CHRNA1: variants seen among roughly 807,000 people sequenced by gnomAD.
CHRNA1 encodes acetylcholine receptor subunit alpha.
CHRNA1 carries 35 observed loss-of-function variants against 47.1 expected under a neutral mutation model. That is an observed-to-expected ratio of 0.74 (90% CI 0.57 to 0.99). The LOEUF (loss-of-function observed/expected upper bound fraction) is 0.99, where lower values mean the gene tolerates loss of function less well. Among genes scored for constraint, CHRNA1 ranks in the 50% least tolerant of loss-of-function variants. CHRNA1 has a pLI of 0.00. For synonymous variants in CHRNA1, 229 were observed against 223.6 expected (o/e 1.02, Z -0.22); for missense variants, 506 against 591.1 (o/e 0.86, Z 1.49).
chr2:174,753,155 T>C (rs1325984602), intron 6 of CHRNA1: 4 of 548,462 alleles, frequency 7.3e-6, no homozygotes, highest in African/African-American at 1.9e-5. Flanking sequence ...GGAAGTGGCA[T>C]GAGAAGTGTC....
chr2:174,759,617 G>A lies in CHRNA1; in HGVS notation c.60C>T (p.Gly20=), dbSNP rs1684057654. 1 of 1,613,628 alleles carries A rather than the reference G, an allele frequency of 6.2e-7. No individual in the cohort carries two copies. Among genetic ancestry groups the A allele is most frequent in the Non-Finnish European group, 8.5e-7 (1 of 1,179,948 alleles). ...CCACCAGACGGGTCTCATGTTCGGA[G>A]CCCAGGACGAGGCCAGCTGAGACAG... ...FSLCSAGLVL[G]SEHETRLVAK... is the part of the protein sequence containing the mutation. Residue 20 remains glycine (G), a synonymous_variant, in exon 2 of 9, where the codon GGC becomes GGT. Transcript: ENST00000348749.
At chr2:174,748,321 C>T (rs1683775708) in intron 8 of CHRNA1, 66 bp from the exon 9 acceptor site, 3 of 1,606,216 alleles carry the variant, frequency 1.9e-6, no homozygotes, top group South Asian at 1.1e-5. Flanking sequence ...AACGTTTGTG[C>T]TTTGCATCAA....
At chr2:174,763,322 ACGCG>A (rs373452341) in intron 1 of CHRNA1, among the ~76,000 whole-genome samples, 2,824 of 47,300 alleles carry the variant, frequency 0.06, 42 homozygotes, top group East Asian at 0.14. Flanking sequence ...ATGTGTGTGC[ACGCG>A]CGCGCACACA....
chr2:174,764,301 A>G, intron 1 of CHRNA1, 51 bp downstream of exon 1: 1 of 1,589,384 alleles, frequency 6.3e-7, no homozygotes, highest in Non-Finnish European at 8.6e-7. Context: ...GGCCTCCAGC[A>G]CTTTAGCCTC....
chr2:174,759,556 GC>G lies in CHRNA1; in HGVS notation c.120del (p.Pro41GlnfsTer17), dbSNP rs1481186810. The G allele has an allele frequency of 6.2e-7, 1 of 1,613,918 alleles. No homozygotes were observed. Among genetic ancestry groups the G allele is most frequent in the South Asian group, 1.1e-5 (1 of 91,064 alleles). ...KLFKDYSSVV[R>X]PVEDHRQVVE... The stretch of plus-strand genomic sequence containing the variant: ...ACGACCTGGCGGTGGTCTTCCACTG[GC>G]CGCACCACGCTGCTGTAGTCTTTAA... On this transcript the variant is annotated frameshift_variant, in exon 2 of 9. Coordinates refer to ENST00000348749, the MANE Select transcript of CHRNA1 (RefSeq NM_000079.4). LOFTEE classifies it high-confidence loss of function.
At position 174,757,550 on chromosome 2, in the gene CHRNA1, C is replaced by G. The variant is rs745528053; in HGVS notation, c.344+16G>C. ...TGCCCCAGGAGCACCCTCCGCCACC[C>G]ATGCAGTTTGCTCACTTGTTATAGA... On this transcript the variant is annotated intron_variant, in intron 4 of 8. Coordinates refer to ENST00000348749, the MANE Select transcript of CHRNA1 (RefSeq NM_000079.4). The G allele has an allele frequency of 6.3e-7, 1 of 1,596,932 alleles. No individual in the cohort carries two copies. Among genetic ancestry groups the G allele is most frequent in the Admixed American group, 1.7e-5 (1 of 60,002 alleles).
chr2:174,759,661 T>G, intron 1 of CHRNA1, 28 bp from the exon 2 acceptor site: 1 of 1,610,388 alleles, frequency 6.2e-7, no homozygotes, highest in Non-Finnish European at 8.5e-7. Flanking sequence ...ACCAACACTG[T>G]CAGATTCTTC....
chr2:174,754,360 A>T lies in CHRNA1; in HGVS notation c.399T>A (p.Thr133=), dbSNP rs1443518305. The T allele has an allele frequency of 6.2e-7, 1 of 1,614,198 alleles. No individual in the cohort carries two copies. Among genetic ancestry groups the T allele is most frequent in the Non-Finnish European group, 8.5e-7 (1 of 1,180,032 alleles). ...CTGGAGGTGTCCACGTGATGTGGCCAGTGTACTGCAGGAGCACTTTGGTGA... is the reference window on the plus strand; with the variant it reads ...CTGGAGGTGTCCACGTGATGTGGCCTGTGTACTGCAGGAGCACTTTGGTGA... ...VKFTKVLLQY[T]GHITWTPPAI... is the part of the protein sequence containing the mutation. Residue 133 remains threonine, a synonymous_variant, in exon 5 of 9, where the codon ACT becomes ACA. Coordinates refer to ENST00000348749, the MANE Select transcript of CHRNA1 (RefSeq NM_000079.4).
At chr2:174,749,638 G>T (rs113063203) in intron 7 of CHRNA1, among the ~76,000 whole-genome samples, 4 of 152,100 alleles carry the variant, frequency 2.6e-5, no homozygotes, top group Non-Finnish European at 5.9e-5. Flanking sequence ...AAAAGAAATC[G>T]CGAGAATTTC....
intron 1 of CHRNA1, among the ~76,000 whole-genome samples, chr2:174,760,215 T>C (rs1684077428): frequency 6.6e-6 from 1 of 152,118 alleles, no homozygotes; most frequent in Admixed American, 6.5e-5. Context: ...TACCATACGA[T>C]CCAGCAATTC....
intron 6 of CHRNA1, among the ~76,000 whole-genome samples, chr2:174,752,518 C>A (rs187794450): frequency 6.6e-6 from 1 of 151,970 alleles, no homozygotes; most frequent in African/African-American, 2.4e-5. Flanking sequence ...TGCAGTGAGC[C>A]GTGATCATGC....
chr2:174,748,283 G>T (rs1186881711), intron 8 of CHRNA1, 28 bp from the exon 9 acceptor site: 1 of 1,613,588 alleles, frequency 6.2e-7, no homozygotes, highest in East Asian at 2.2e-5. Flanking sequence ...GTTAGACAGA[G>T]TCTCCCTAAG....
In CHRNA1 at chr2:174,754,205, T is replaced by C. The variant is rs1426273735; in HGVS notation, c.540+14A>G. The C allele has an allele frequency of 6.2e-7, 1 of 1,612,646 alleles. No homozygotes were observed. Among genetic ancestry groups the C allele is most frequent in the Admixed American group, 1.7e-5 (1 of 60,024 alleles). On this transcript the variant is annotated intron_variant, in intron 5 of 8. Coordinates refer to ENST00000348749, the MANE Select transcript of CHRNA1 (RefSeq NM_000079.4). ...TTCCTGAAACCACCCTTATCATATG[T>C]GGCCACCACCTACCGGGTTGATGGC...
Position 174,759,470 on chromosome 2 carries a change from C to T in CHRNA1, c.189+18G>A, listed in dbSNP as rs201082834. 313 of 1,614,042 alleles carry T rather than the reference C, an allele frequency of 1.9e-4. No individual in the cohort carries two copies. Among genetic ancestry groups the T allele is most frequent in the Non-Finnish European group, 2.4e-4 (287 of 1,180,044 alleles). On this transcript the variant is annotated intron_variant, in intron 2 of 8. Coordinates refer to ENST00000348749, the MANE Select transcript of CHRNA1 (RefSeq NM_000079.4). ...GAGGTGTGGGTGTGTGGGCAGGCCCCCAGTGCTCTTGTCTCACCACATTGA... is the reference window on the plus strand; with the variant it reads ...GAGGTGTGGGTGTGTGGGCAGGCCCTCAGTGCTCTTGTCTCACCACATTGA...
chr2:174,748,441 A>C lies in CHRNA1; in HGVS notation c.1242+139T>G, dbSNP rs2305414. 0.46 allele frequency: 632,910 copies of C among 1,386,640 alleles called. 147,337 individuals are homozygous for C. The highest frequency in any genetic ancestry group is 0.48 in the Middle Eastern group (2,640 of 5,444). The allele number at this position is 1,386,640 out of a possible 1,614,324, so 85.9% of individuals were successfully genotyped here. A position where few individuals can be genotyped will look rare whatever the true frequency, so the allele number is the denominator to read the frequency against. ...AAGTGATAACTTACTAAGGTGGTCT[A>C]GAGGCGGTCACCAGGGTTCATCTTA... On this transcript the variant is annotated intron_variant, in intron 8 of 8. Coordinates refer to ENST00000348749, the MANE Select transcript of CHRNA1 (RefSeq NM_000079.4).
At chr2:174,755,376 T>C (rs536630286) in intron 4 of CHRNA1, among the ~76,000 whole-genome samples, 37 of 152,132 alleles carry the variant, frequency 2.4e-4, no homozygotes, top group Admixed American at 7.2e-4. Flanking sequence ...AGGCCCAATC[T>C]TGCCAGATTT....
chr2:174,760,916 G>A (rs192702289), intron 1 of CHRNA1, among the ~76,000 whole-genome samples: 23 of 152,030 alleles, frequency 1.5e-4, no homozygotes, highest in Admixed American at 9.2e-4. Flanking sequence ...CAGAACCCAC[G>A]GCCCCCTTTT....
chr2:174,761,367 A>G (rs1310246337), intron 1 of CHRNA1, among the ~76,000 whole-genome samples: 1 of 151,880 alleles, frequency 6.6e-6, no homozygotes. Context: ...TGCAGCCTTG[A>G]CCTCCCAGGC....
At position 174,753,546 on chromosome 2, in the gene CHRNA1, G is replaced by A. The variant is rs773397465; in HGVS notation, c.735C>T (p.Phe245=). Residue 245 remains phenylalanine, a synonymous_variant, in exon 6 of 9, where the codon TTC becomes TTT. Transcript: ENST00000348749. ...IVNVIIPCLL[F]SFLTGLVFYL... The stretch of plus-strand genomic sequence containing the variant: ...AGAATACCAGGCCAGTTAAGAAGGA[G>A]AAGAGCAGGCAGGGGATGATGACGT... 45 of 1,614,118 alleles carry A rather than the reference G, an allele frequency of 2.8e-5. No homozygotes were observed. In the Middle Eastern group the frequency reaches 1.5e-3, roughly 53 times the overall value.
Sources: allele counts gnomAD v4.1 joint callset (sites outside exome capture counted in the v4.1 genomes callset), GRCh38; gene constraint gnomAD v4.1.1; transcripts MANE v1.5; gene names NCBI Gene and HGNC (gene_info 2026-07-23, HGNC 2026-07-21).